The following MBOAT2 variants were observed in gnomAD, a reference collection of about 807,000 sequenced individuals.
The protein encoded by MBOAT2 is membrane bound glycerophospholipid O-acyltransferase 2, also known as membrane-bound glycerophospholipid O-acyltransferase 2.
Under a neutral mutation model 63.4 loss-of-function variants are expected in MBOAT2, and 28 were observed. The ratio of observed to expected loss-of-function variants is 0.44; its 90% CI spans 0.33 to 0.61. The LOEUF is 0.61. MBOAT2 is among the 20% of genes least tolerant of loss of function. The probability of loss-of-function intolerance (pLI) is 0.03; values close to 1 mark genes in which losing one functional copy is unlikely to be tolerated. For synonymous variants in MBOAT2, 211 were observed against 215.6 expected, an observed-to-expected ratio of 0.98 and a Z score of 0.19; for missense variants, 470 against 605.8, an observed-to-expected ratio of 0.78 and a Z score of 2.35.
chr2:8,945,750 G>T (rs745511938), intron 2 of MBOAT2, among the ~76,000 whole-genome samples: 4 of 151,656 alleles, frequency 2.6e-5, no homozygotes, highest in Non-Finnish European at 5.9e-5. Context: ...GTCACAAAAC[G>T]TTAGTTTGTT....
At chr2:8,904,512 T>C (rs1665193368) in intron 4 of MBOAT2, among the ~76,000 whole-genome samples, 1 of 152,082 alleles carries the variant, frequency 6.6e-6, no homozygotes, top group Non-Finnish European at 1.5e-5. Flanking sequence ...GGTTTCACCA[T>C]GTTGCCCAGG....
At chr2:8,962,418 T>C (rs1453092378) in intron 1 of MBOAT2, among the ~76,000 whole-genome samples, 1 of 152,242 alleles carries the variant, frequency 6.6e-6, no homozygotes, top group African/African-American at 2.4e-5. Flanking sequence ...ATGTATTTCC[T>C]AGTCCCTTGT....
intron 1 of MBOAT2, among the ~76,000 whole-genome samples, chr2:8,978,065 C>T (rs1380030451): frequency 6.6e-6 from 1 of 152,086 alleles, no homozygotes; most frequent in Non-Finnish European, 1.5e-5. Flanking sequence ...ATGAGGCCAC[C>T]AATACCCAGA....
Position 8,928,587 on chromosome 2 carries a change from C to T in MBOAT2, c.299+14600G>A, listed in dbSNP as rs558679087. On this transcript the variant is annotated intron_variant, in intron 3 of 12. Coordinates refer to ENST00000305997, the MANE Select transcript of MBOAT2 (RefSeq NM_138799.4). ...ATAGCCATTGATATATACCATATTACGAATTAAAACTGAGAATTTTAAAAA... is the reference window on the plus strand; with the variant it reads ...ATAGCCATTGATATATACCATATTATGAATTAAAACTGAGAATTTTAAAAA... 1.7e-3 allele frequency among the ~76,000 whole-genome samples: 262 copies of T among 151,698 alleles called. 1 individual carries two copies. Among genetic ancestry groups the T allele is most frequent in the African/African-American group, 5.5e-3 (228 of 41,352 alleles).
At position 8,920,575 on chromosome 2, in the gene MBOAT2, C is replaced by T. The variant is rs576006614; in HGVS notation, c.300-11859G>A. On this transcript the variant is annotated intron_variant, in intron 3 of 12. Transcript: ENST00000305997. ...CAATTTCTACCAAAAAAAAAAACTGCCAGTGTTTCTGTTAGGAATTGCATT... is the reference window on the plus strand; with the variant it reads ...CAATTTCTACCAAAAAAAAAAACTGTCAGTGTTTCTGTTAGGAATTGCATT... Among the ~76,000 whole-genome samples the T allele has an allele frequency of 1.5e-4, 22 of 151,608 alleles. No homozygotes were observed. In the East Asian group the frequency reaches 4.2e-3, roughly 29 times the overall value.
intron 3 of MBOAT2, among the ~76,000 whole-genome samples, chr2:8,921,833 A>G (rs766847372): frequency 4.6e-5 from 7 of 152,184 alleles, no homozygotes; most frequent in Non-Finnish European, 1.0e-4. Context: ...GTCTTTCAGC[A>G]GTAGGACTTA....
chr2:9,003,592 C>T lies in MBOAT2; in HGVS notation c.23G>A (p.Gly8Asp). ...GCTGAGGGGCTGCAGCAGGGTGGAG[C>T]CCGTGGTGCTGGTGGTGGCCATGGC... MATTSTT[G>D]STLLQPLSNA... The change falls in exon 1 of 13, where the codon GGC becomes GAC. Residue 8 changes from glycine (G) to aspartate (D), a missense_variant. Coordinates refer to ENST00000305997, the MANE Select transcript of MBOAT2 (RefSeq NM_138799.4). This position sits in a 1 kb window ranked among gnomAD's most constrained non-coding sequence, Gnocchi z 5.4. The T allele has an allele frequency of 8.2e-7, 1 of 1,221,502 alleles. No individual in the cohort carries two copies. 75.7% of individuals were successfully genotyped at this position (1,221,502 alleles called of 1,614,324 possible). A position where few individuals can be genotyped will look rare whatever the true frequency, so the allele number is the denominator to read the frequency against.
At chr2:8,876,368 C>T (rs947175182) in intron 7 of MBOAT2, among the ~76,000 whole-genome samples, 1 of 152,306 alleles carries the variant, frequency 6.6e-6, no homozygotes, top group Admixed American at 6.5e-5. Context: ...GTGAGAAAAA[C>T]AGTGTCTACC....
intron 1 of MBOAT2, among the ~76,000 whole-genome samples, chr2:8,986,083 C>A (rs766259740): frequency 2.0e-5 from 3 of 151,910 alleles, no homozygotes; most frequent in African/African-American, 4.8e-5. Context: ...AACAACACTT[C>A]ATCTTTGTGG....
intron 4 of MBOAT2, among the ~76,000 whole-genome samples, chr2:8,901,846 C>T (rs910127584): frequency 6.6e-6 from 1 of 152,136 alleles, no homozygotes; most frequent in Non-Finnish European, 1.5e-5. Flanking sequence ...GAATCAGAGA[C>T]AGGGAGTGGT....
In MBOAT2 at chr2:8,858,867, C is replaced by A; in HGVS notation, c.1375G>T (p.Val459Leu). The A allele has an allele frequency of 6.2e-7, 1 of 1,612,950 alleles. No individual in the cohort carries two copies. The highest frequency in any genetic ancestry group is 8.5e-7 in the Non-Finnish European group (1 of 1,179,758). The change falls in exon 13 of 13, where the codon GTA (valine) becomes TTA (leucine). Residue 459 changes from valine (V) to leucine (L), a missense_variant. Physicochemically the swap from Val to Leu is conservative, Grantham distance 32. Around this residue, in one of 3 missense-constraint regions of MBOAT2, gnomAD observed 90 missense variants for 84.9 expected, o/e 1.06. Coordinates refer to ENST00000305997, the MANE Select transcript of MBOAT2 (RefSeq NM_138799.4). ...TTTTTCACTGGCAACAACAATAATA[C>A]TAAGATACCAAGAATGTGCAGGCAA... Reference protein sequence around the residue: ...YYCLHILGILVLLLLPVKKTQ... With the variant: ...YYCLHILGILLLLLLPVKKTQ...
At position 8,853,621 on chromosome 2, in the gene MBOAT2, T is replaced by C. The variant is rs539070183; in HGVS notation, c.*5058A>G. 2.6e-4 allele frequency: 40 copies of C among 152,370 alleles called. No individual in the cohort carries two copies. Among genetic ancestry groups the C allele is most frequent in the African/African-American group, 8.7e-4 (36 of 41,598 alleles). 9.4% of individuals were successfully genotyped at this position (152,370 alleles called of 1,614,324 possible). On this transcript the variant is annotated 3_prime_UTR_variant, in exon 13 of 13. Transcript: ENST00000305997. ...CTCTGTAACTTTTGGTTTTTCACTG[T>C]AGCATTTCCATTTATTTTTAGTGTG...
At chr2:8,889,157 G>C (rs563598030) in intron 4 of MBOAT2, among the ~76,000 whole-genome samples, 3 of 152,208 alleles carry the variant, frequency 2.0e-5, no homozygotes, top group Non-Finnish European at 4.4e-5. Flanking sequence ...CCCAGCCTAG[G>C]GAGGCTTAGA....
At chr2:8,944,828 T>G (rs1252698985) in intron 2 of MBOAT2, among the ~76,000 whole-genome samples, 1 of 152,188 alleles carries the variant, frequency 6.6e-6, no homozygotes. Flanking sequence ...ACCTCTTATG[T>G]GTTGCCAACA....
intron 7 of MBOAT2, among the ~76,000 whole-genome samples, chr2:8,876,036 C>T (rs977891178): frequency 2.6e-5 from 4 of 152,180 alleles, no homozygotes; most frequent in African/African-American, 9.7e-5. Flanking sequence ...CCTACATTCA[C>T]AGAAAACACA....
chr2:8,868,640 T>C (rs1662078107), intron 8 of MBOAT2, 91 bp from the exon 9 acceptor site: 1 of 995,292 alleles, frequency 1.0e-6, no homozygotes, highest in South Asian at 1.6e-5. Context: ...ATATCTTTTA[T>C]TCTTAAACAG....
At chr2:8,982,697 T>C (rs1558682557) in intron 1 of MBOAT2, among the ~76,000 whole-genome samples, 1 of 152,182 alleles carries the variant, frequency 6.6e-6, no homozygotes, top group Non-Finnish European at 1.5e-5. Flanking sequence ...AACCCACCTC[T>C]GAGTTTATTC....
At chr2:8,865,156 T>A (rs145076871) in intron 9 of MBOAT2, among the ~76,000 whole-genome samples, 178 of 152,296 alleles carry the variant, frequency 1.2e-3, no homozygotes, top group Admixed American at 2.1e-3. Flanking sequence ...CTCCTCTTCC[T>A]GAAAAAAGCT....
At chr2:8,897,221 G>A (rs1036666595) in intron 4 of MBOAT2, among the ~76,000 whole-genome samples, 12 of 138,210 alleles carry the variant, frequency 8.7e-5, no homozygotes, top group Non-Finnish European at 1.8e-4. Flanking sequence ...CTTCCTCTCT[G>A]TCTCCTTCTT....
Sources: gnomAD v4.1 joint callset for allele counts (sites outside exome capture counted in the v4.1 genomes callset) on GRCh38, gnomAD v4.1.1 for gene constraint, gnomAD v4.1.1 regional missense constraint, Gnocchi (gnomAD v3.1) non-coding constraint, MANE v1.5 for transcripts, NCBI Gene and HGNC (gene_info 2026-07-23, HGNC 2026-07-21) for gene names.